CRY1: variants seen among roughly 807,000 people sequenced by gnomAD.
CRY1 encodes cryptochrome-1.
CRY1 carries 45 observed loss-of-function variants against 76.0 expected under a neutral mutation model. The ratio of observed to expected loss-of-function variants is 0.59; its 90% CI spans 0.47 to 0.76. The LOEUF is 0.76. Among genes scored for constraint, CRY1 ranks in the 30% least tolerant of loss-of-function variants. The pLI is 0.00. For missense variants in CRY1, 587 were observed against 716.4 expected, an observed-to-expected ratio of 0.82 and a Z score of 2.06; for synonymous variants, 248 against 244.0, an observed-to-expected ratio of 1.02 and a Z score of -0.15.
chr12:107,066,633 T>C (rs1437521117), intron 1 of CRY1, among the ~76,000 whole-genome samples: 1 of 152,010 alleles, frequency 6.6e-6, no homozygotes, highest in Non-Finnish European at 1.5e-5. Context: ...ATCTGGCTAA[T>C]TTTTGTATTT....
intron 1 of CRY1, among the ~76,000 whole-genome samples, chr12:107,072,406 G>A (rs1953200350): frequency 6.6e-6 from 1 of 152,130 alleles, no homozygotes; most frequent in South Asian, 2.1e-4. Context: ...GGTTTGATGT[G>A]GGCAGTTTGA....
chr12:107,049,211 C>T (rs1280458456), intron 1 of CRY1, among the ~76,000 whole-genome samples: 2 of 152,112 alleles, frequency 1.3e-5, no homozygotes, highest in African/African-American at 2.4e-5. Context: ...ATTTTTTTCC[C>T]TTTCAGCCCA....
chr12:107,021,818 G>T (rs1277736444), intron 2 of CRY1, among the ~76,000 whole-genome samples: 1 of 152,004 alleles, frequency 6.6e-6, no homozygotes, highest in African/African-American at 2.4e-5. Context: ...GGATACATAA[G>T]AAACTGGTAG....
intron 2 of CRY1, among the ~76,000 whole-genome samples, chr12:107,014,964 G>A (rs1952483952): frequency 1.3e-5 from 2 of 151,880 alleles, no homozygotes; most frequent in African/African-American, 4.8e-5. Flanking sequence ...TGCAACCTCC[G>A]CCTCCTGGGT....
chr12:107,057,089 A>C (rs1952993166), intron 1 of CRY1, among the ~76,000 whole-genome samples: 1 of 152,136 alleles, frequency 6.6e-6, no homozygotes. Context: ...AAAAAAGAAA[A>C]AATTAAGAGA....
chr12:107,010,424 A>G (rs1039075876), intron 2 of CRY1, among the ~76,000 whole-genome samples: 2 of 152,200 alleles, frequency 1.3e-5, no homozygotes, highest in Non-Finnish European at 2.9e-5. Flanking sequence ...TTTGCTATTT[A>G]TTGCACTTCT....
At chr12:106,997,811 C>A (rs1476575524) in intron 8 of CRY1, 104 bp downstream of exon 8, 2 of 1,531,826 alleles carry the variant, frequency 1.3e-6, no homozygotes, top group Non-Finnish European at 1.8e-6. Context: ...CTTCTCATCT[C>A]TGCTGCCCAT....
intron 7 of CRY1, among the ~76,000 whole-genome samples, chr12:106,998,652 G>A (rs1952260347): frequency 9.8e-6 from 1 of 102,110 alleles, no homozygotes; most frequent in Non-Finnish European, 1.8e-5. Flanking sequence ...GGAAATATAA[G>A]AGATTAAACA....
chr12:107,080,742 G>A (rs115385286), intron 1 of CRY1, among the ~76,000 whole-genome samples: 1 of 152,044 alleles, frequency 6.6e-6, no homozygotes, highest in Non-Finnish European at 1.5e-5. Flanking sequence ...AGAGTGGGTG[G>A]GAGTGAAGCC....
chr12:107,082,634 C>T (rs1021816319), intron 1 of CRY1, among the ~76,000 whole-genome samples: 2 of 152,162 alleles, frequency 1.3e-5, no homozygotes, highest in South Asian at 2.1e-4. Flanking sequence ...TAAGTAAGTT[C>T]TTTGACACCA....
intron 1 of CRY1, among the ~76,000 whole-genome samples, chr12:107,049,535 T>C (rs1952892541): frequency 6.6e-6 from 1 of 151,974 alleles, no homozygotes; most frequent in South Asian, 2.1e-4. Context: ...CCACCAAACC[T>C]GACTAATTTT....
At chr12:107,009,529 A>G (rs535593379) in intron 2 of CRY1, among the ~76,000 whole-genome samples, 2 of 143,266 alleles carry the variant, frequency 1.4e-5, no homozygotes, top group Admixed American at 7.3e-5. Context: ...ACAGAGCAAG[A>G]CTCCATCTCA....
chr12:107,001,194 T>C, intron 5 of CRY1, 86 bp downstream of exon 5: 1 of 973,352 alleles, frequency 1.0e-6, no homozygotes, highest in Non-Finnish European at 1.6e-6. Context: ...CAACAATCTA[T>C]TTGTTATTTT....
chr12:107,005,513 T>C (rs1356474600), intron 2 of CRY1, among the ~76,000 whole-genome samples: 1 of 152,246 alleles, frequency 6.6e-6, no homozygotes, highest in Non-Finnish European at 1.5e-5. Flanking sequence ...AATGTGTTTG[T>C]AGAGCACTTT....
chr12:107,091,078 C>T (rs1246405868), intron 1 of CRY1, among the ~76,000 whole-genome samples: 1 of 151,474 alleles, frequency 6.6e-6, no homozygotes, highest in Non-Finnish European at 1.5e-5. Flanking sequence ...AGTACTCTGT[C>T]ACTCAGGCTG....
intron 1 of CRY1, among the ~76,000 whole-genome samples, chr12:107,027,893 T>C (rs1020807623): frequency 2.0e-5 from 3 of 152,160 alleles, no homozygotes; most frequent in Admixed American, 6.5e-5. Context: ...TACAACATAA[T>C]CCTATTGCTG....
rs145499215 is a variant in CRY1, at chr12:107,042,596, T to C, written c.159-20404A>G. ...CAAAATACTTCGCCAGGTAATGATATACTGTATCTGAGTAAGATGGCCAAC... is the reference window on the plus strand; with the variant it reads ...CAAAATACTTCGCCAGGTAATGATACACTGTATCTGAGTAAGATGGCCAAC... On this transcript the variant is annotated intron_variant, in intron 1 of 12. Coordinates refer to ENST00000008527, the MANE Select transcript of CRY1 (RefSeq NM_004075.5). Among the ~76,000 whole-genome samples, 712 of 109,206 alleles carry C rather than the reference T, an allele frequency of 6.5e-3. 7 individuals carry two copies. Among genetic ancestry groups the C allele is most frequent in the African/African-American group, 0.02 (671 of 33,734 alleles). 71.6% of individuals were successfully genotyped at this position (109,206 alleles called of 152,430 possible).
chr12:107,077,826 C>G (rs543426752), intron 1 of CRY1, among the ~76,000 whole-genome samples: 256 of 152,016 alleles, frequency 1.7e-3, no homozygotes, highest in Non-Finnish European at 3.2e-3. Flanking sequence ...TCCCCCACTC[C>G]CCTCCCCTCA....
Position 106,993,009 on chromosome 12 carries a change from T to G in CRY1, c.1613A>C (p.His538Pro). Residue 538 changes from histidine (H) to proline (P), a missense_variant, in exon 11 of 13, where the codon CAC (histidine) becomes CCC (proline). His to Pro is a moderately conservative substitution (Grantham distance 77). Transcript: ENST00000008527. Reference protein sequence around the residue: ...GSCSQGSGILHYAHGDSQQTH... With the variant: ...GSCSQGSGILPYAHGDSQQTH... The stretch of plus-strand genomic sequence containing the variant: ...TTGCTGACTGTCGCCATGAGCATAG[T>G]GTAAAATACCACTCCCTTGAGAGCA... 6.2e-7 allele frequency: 1 copy of G among 1,614,078 alleles called. No individual in the cohort carries two copies. Among genetic ancestry groups the G allele is most frequent in the Non-Finnish European group, 8.5e-7 (1 of 1,179,928 alleles).
Sources: allele counts gnomAD v4.1 joint callset (sites outside exome capture counted in the v4.1 genomes callset), GRCh38; gene constraint gnomAD v4.1.1; transcripts MANE v1.5; gene names NCBI Gene and HGNC (gene_info 2026-07-23, HGNC 2026-07-21).